Variants in LDB2 observed in about 807,000 individuals in gnomAD.
LDB2 encodes the protein LIM domain-binding protein 2.
Under a neutral mutation model 44.3 loss-of-function variants are expected in LDB2, and 12 were observed. The ratio of observed to expected loss-of-function variants is 0.27; its 90% CI spans 0.17 to 0.44. The LOEUF is 0.44. Among genes scored for constraint, LDB2 ranks in the 20% least tolerant of loss-of-function variants. LDB2 has a pLI of 1.00. For synonymous variants in LDB2, 164 were observed against 174.8 expected, an observed-to-expected ratio of 0.94 and a Z score of 0.49; for missense variants, 344 against 473.5, an observed-to-expected ratio of 0.73 and a Z score of 2.54.
intron 1 of LDB2, among the ~76,000 whole-genome samples, chr4:16,829,940 A>T (rs1783767353): frequency 6.6e-6 from 1 of 152,034 alleles, no homozygotes; most frequent in African/African-American, 2.4e-5. Context: ...CCCTGTCTCT[A>T]CTAAAAATGC....
rs539951806 is a variant in LDB2, at chr4:16,616,045, A to G, written c.236-20170T>C. On this transcript the variant is annotated intron_variant, in intron 2 of 7. Coordinates refer to ENST00000304523, the MANE Select transcript of LDB2 (RefSeq NM_001290.5). Reference sequence around the variant, plus strand: ...ACCATCCATGAAATGCTCTTGCCTCAGGCGAACTCTACCCCCTTACCCTAA... The same window carrying G: ...ACCATCCATGAAATGCTCTTGCCTCGGGCGAACTCTACCCCCTTACCCTAA... Among the ~76,000 whole-genome samples, 10 of 152,334 alleles carry G rather than the reference A, an allele frequency of 6.6e-5. 1 individual carries two copies. The South Asian group carries it at 2.1e-3, about 32-fold the overall frequency.
At chr4:16,874,002 A>T (rs1717600599) in intron 1 of LDB2, among the ~76,000 whole-genome samples, 1 of 152,132 alleles carries the variant, frequency 6.6e-6, no homozygotes, top group African/African-American at 2.4e-5. Flanking sequence ...TCATCCTTTT[A>T]TGGTCCCTAT....
chr4:16,542,061 G>A (rs1733965627), intron 5 of LDB2, among the ~76,000 whole-genome samples: 1 of 121,656 alleles, frequency 8.2e-6, no homozygotes, highest in South Asian at 3.0e-4. Context: ...GCACATAACA[G>A]CAAATCTATA....
chr4:16,570,947 T>C (rs1271927400), intron 5 of LDB2, among the ~76,000 whole-genome samples: 4 of 152,150 alleles, frequency 2.6e-5, no homozygotes, highest in African/African-American at 7.2e-5. Context: ...GGCACAGAAA[T>C]GGTAGGCAAC....
intron 2 of LDB2, among the ~76,000 whole-genome samples, chr4:16,679,529 A>G (rs1335364692): frequency 6.6e-6 from 1 of 152,220 alleles, no homozygotes; most frequent in East Asian, 1.9e-4. Context: ...TTCAAAGGTC[A>G]GGAAAATGAG....
At chr4:16,825,947 CTATG>C (rs1223579882) in intron 1 of LDB2, among the ~76,000 whole-genome samples, 6 of 151,350 alleles carry the variant, frequency 4.0e-5, no homozygotes, top group Non-Finnish European at 8.8e-5. Flanking sequence ...ATATATGTGC[CTATG>C]TATGTATAAT....
At chr4:16,673,599 A>C (rs1745480560) in intron 2 of LDB2, among the ~76,000 whole-genome samples, 1 of 152,154 alleles carries the variant, frequency 6.6e-6, no homozygotes, top group Non-Finnish European at 1.5e-5. Flanking sequence ...AAGTTAGGAG[A>C]GCACCCTTCT....
chr4:16,893,034 A>G lies in LDB2; in HGVS notation c.132+5320T>C, dbSNP rs868783575. On this transcript the variant is annotated intron_variant, in intron 1 of 7. Transcript: ENST00000304523. ...ATAGTAAGAAAATGGGGGAAAAAAA[A>G]GACTTCAAGAAAATAAAATCAGTAT... 73 of 906,014 alleles carry G rather than the reference A, an allele frequency of 8.1e-5. 1 individual carries two copies. In the Middle Eastern group the frequency reaches 3.4e-3, roughly 42 times the overall value. The allele number at this position is 906,014 out of a possible 1,614,324, so 56.1% of individuals were successfully genotyped here.
chr4:16,606,728 G>C (rs1724046859), intron 2 of LDB2, among the ~76,000 whole-genome samples: 2 of 152,198 alleles, frequency 1.3e-5, no homozygotes, highest in Non-Finnish European at 2.9e-5. Context: ...CTCCAGACTA[G>C]AGAAGTAGAA....
At chr4:16,591,588 C>T (rs889292266) in intron 3 of LDB2, among the ~76,000 whole-genome samples, 4 of 152,102 alleles carry the variant, frequency 2.6e-5, no homozygotes, top group African/African-American at 7.2e-5. Flanking sequence ...GCTGGTCTTC[C>T]CCAAGTAATT....
chr4:16,790,963 G>C (rs1333292002), intron 1 of LDB2, among the ~76,000 whole-genome samples: 1 of 152,098 alleles, frequency 6.6e-6, no homozygotes, highest in African/African-American at 2.4e-5. Flanking sequence ...GGCACACCAG[G>C]CCCTTTCTTC....
intron 2 of LDB2, among the ~76,000 whole-genome samples, chr4:16,677,070 G>A (rs908732987): frequency 2.6e-5 from 4 of 152,238 alleles, no homozygotes; most frequent in African/African-American, 9.6e-5. Context: ...TAAGTGGGGA[G>A]AGGACAGTTA....
intron 2 of LDB2, among the ~76,000 whole-genome samples, chr4:16,672,126 C>G (rs1050679445): frequency 6.6e-6 from 1 of 152,192 alleles, no homozygotes; most frequent in Admixed American, 6.5e-5. Context: ...TCATTCATTA[C>G]TTGGAGCAAC....
intron 1 of LDB2, among the ~76,000 whole-genome samples, chr4:16,853,916 T>C (rs1788799297): frequency 1.3e-5 from 2 of 152,132 alleles, no homozygotes; most frequent in South Asian, 4.1e-4. Context: ...AGATGTGAAA[T>C]CTTTTTTAAA....
chr4:16,636,210 T>A (rs940423743), intron 2 of LDB2, among the ~76,000 whole-genome samples: 3 of 152,212 alleles, frequency 2.0e-5, no homozygotes, highest in Admixed American at 6.5e-5. Context: ...GGAGCTGCGG[T>A]GGCCTGCTTA....
chr4:16,894,072 A>T (rs34868610), intron 1 of LDB2, among the ~76,000 whole-genome samples: 6 of 152,216 alleles, frequency 3.9e-5, no homozygotes, highest in African/African-American at 1.2e-4. Flanking sequence ...AAATGAAAAA[A>T]TACATTGTTT....
chr4:16,782,963 C>A (rs1370017491), intron 1 of LDB2, among the ~76,000 whole-genome samples: 1 of 152,072 alleles, frequency 6.6e-6, no homozygotes, highest in African/African-American at 2.4e-5. Context: ...CTTAGAGTAA[C>A]TGGATTTACT....
At chr4:16,864,367 T>C (rs987103622) in intron 1 of LDB2, among the ~76,000 whole-genome samples, 3 of 152,046 alleles carry the variant, frequency 2.0e-5, no homozygotes, top group Non-Finnish European at 4.4e-5. Flanking sequence ...CTTTCAGATA[T>C]GGTAATAAAA....
intron 2 of LDB2, among the ~76,000 whole-genome samples, chr4:16,597,645 T>C (rs985695546): frequency 2.0e-5 from 3 of 152,198 alleles, no homozygotes; most frequent in Admixed American, 6.5e-5. Context: ...AAAATGCAGA[T>C]GTAGGCCAAA....
Sources: allele counts gnomAD v4.1 joint callset (sites outside exome capture counted in the v4.1 genomes callset), GRCh38; gene constraint gnomAD v4.1.1; transcripts MANE v1.5; gene names NCBI Gene and HGNC (gene_info 2026-07-23, HGNC 2026-07-21).